The following CPXM2 variants were observed in gnomAD, a reference collection of about 807,000 sequenced individuals.
The protein encoded by CPXM2 is carboxypeptidase X, M14 family member 2.
Under a neutral mutation model 86.1 loss-of-function variants are expected in CPXM2, and 66 were observed. The observed-to-expected ratio is 0.77, with a 90% CI of 0.63 to 0.94. CPXM2 has a LOEUF of 0.94. Ranked by LOEUF, CPXM2 falls within the 40% of genes least tolerant of loss-of-function variation. The pLI, the probability that CPXM2 is intolerant of heterozygous loss-of-function variation, is 0.00. For synonymous variants in CPXM2, 388 were observed against 400.2 expected, an observed-to-expected ratio of 0.97 and a Z score of 0.36; for missense variants, 948 against 1,026.3, an observed-to-expected ratio of 0.92 and a Z score of 1.04.
chr10:123,759,686 T>A (rs545880090), intron 11 of CPXM2, among the ~76,000 whole-genome samples: 78 of 152,328 alleles, frequency 5.1e-4, no homozygotes, highest in South Asian at 3.7e-3. Flanking sequence ...CTGACTGGCA[T>A]CTTTCTCTTG....
intron 8 of CPXM2, chr10:123,769,498 C>T (rs1846576616): frequency 6.6e-6 from 1 of 152,346 alleles, no homozygotes; most frequent in South Asian, 2.1e-4. Flanking sequence ...GGGAGGATTG[C>T]TTGAGCCCAA....
At chr10:123,853,548 A>C (rs1175373365) in intron 3 of CPXM2, among the ~76,000 whole-genome samples, 1 of 152,220 alleles carries the variant, frequency 6.6e-6, no homozygotes, top group Non-Finnish European at 1.5e-5. Context: ...TGCTGAGTAC[A>C]TGAAAGGTTT....
intron 6 of CPXM2, among the ~76,000 whole-genome samples, chr10:123,789,277 AC>A (rs1243380942): frequency 2.6e-5 from 4 of 152,306 alleles, no homozygotes; most frequent in African/African-American, 9.6e-5. Context: ...CTGCCGCCCC[AC>A]AGGGCCCCTC....
intron 7 of CPXM2, among the ~76,000 whole-genome samples, chr10:123,778,613 A>G (rs1266811320): frequency 6.6e-6 from 1 of 152,252 alleles, no homozygotes; most frequent in Non-Finnish European, 1.5e-5. Flanking sequence ...AACTATTTAC[A>G]GATAACAGCT....
At chr10:123,783,672 CAA>C (rs1846986201) in intron 6 of CPXM2, among the ~76,000 whole-genome samples, 1 of 152,190 alleles carries the variant, frequency 6.6e-6, no homozygotes, top group Non-Finnish European at 1.5e-5. Flanking sequence ...TGCCTAAAGC[CAA>C]AGTCAGACCT....
At chr10:123,832,921 T>C (rs997705550) in intron 4 of CPXM2, among the ~76,000 whole-genome samples, 16 of 151,918 alleles carry the variant, frequency 1.1e-4, no homozygotes, top group African/African-American at 3.6e-4. Flanking sequence ...CACCTGAGCG[T>C]CTTTTGCTTT....
intron 2 of CPXM2, among the ~76,000 whole-genome samples, chr10:123,871,773 TA>T (rs79963038): frequency 0.04 from 6,145 of 152,242 alleles, 170 homozygotes; most frequent in East Asian, 0.11. Flanking sequence ...CTACTAGAGT[TA>T]AAAAGTGAGC....
At chr10:123,910,684 GTC>G (rs1443498329) in intron 2 of CPXM2, among the ~76,000 whole-genome samples, 1 of 152,230 alleles carries the variant, frequency 6.6e-6, no homozygotes, top group Non-Finnish European at 1.5e-5. Context: ...CTGCACCTAA[GTC>G]TCTGCCTCAT....
intron 3 of CPXM2, among the ~76,000 whole-genome samples, chr10:123,857,614 AGATGGAAGGCG>A (rs1848758398): frequency 7.1e-6 from 1 of 141,126 alleles, no homozygotes; most frequent in African/African-American, 2.5e-5. Context: ...GGCGGCGTGG[AGATGGAAGGCG>A]GCGTGGAGAT....
chr10:123,799,172 G>A lies in CPXM2; in HGVS notation c.681C>T (p.Val227=), dbSNP rs555476644. 1 of 1,614,118 alleles carries A rather than the reference G, an allele frequency of 6.2e-7. No homozygotes were observed. The highest frequency in any genetic ancestry group is 1.1e-5 in the South Asian group (1 of 91,074). Residue 227 remains valine, a synonymous_variant, in exon 5 of 14, where the codon GTC becomes GTT. Coordinates refer to ENST00000241305, the MANE Select transcript of CPXM2 (RefSeq NM_198148.3). ...WLSDWVTSYK[V]MVSNDSHTWV... is the part of the protein sequence containing the mutation. Reference sequence around the variant, plus strand: ...ACGTGTGGCTGTCATTGCTCACCATGACCTTATAGGATGTCACCCAGTCAC... The same window carrying A: ...ACGTGTGGCTGTCATTGCTCACCATAACCTTATAGGATGTCACCCAGTCAC...
chr10:123,842,523 C>T, intron 3 of CPXM2, 35 bp from the exon 4 acceptor site: 1 of 1,606,090 alleles, frequency 6.2e-7, no homozygotes, highest in Non-Finnish European at 8.5e-7. Context: ...TTCAAAAAGA[C>T]TCTTAATTGA....
chr10:123,896,837 T>G (rs1945341820), upstream of CPXM2, among the ~76,000 whole-genome samples: 1 of 152,192 alleles, frequency 6.6e-6, no homozygotes, highest in Non-Finnish European at 1.5e-5. Flanking sequence ...GCAGGATCAT[T>G]TACAGAAGTG....
In CPXM2 at chr10:123,891,601, A is replaced by C; in HGVS notation, c.59T>G (p.Leu20Arg). 4 of 1,523,480 alleles carry C rather than the reference A, an allele frequency of 2.6e-6. No homozygotes were observed. The highest frequency in any genetic ancestry group is 3.5e-6 in the Non-Finnish European group (4 of 1,134,566). The allele number at this position is 1,523,480 out of a possible 1,614,324, so 94.4% of individuals were successfully genotyped here. ...TGCGCCCTGGGCTCCGACCCCGGCC[A>C]GGGTCACTGCCAGGAGCACCAGGGC... ...ALALVLLAVTLAGVGAQGAAL... is the reference protein window; with the variant it reads ...ALALVLLAVTRAGVGAQGAAL... Residue 20 changes from leucine (L) to arginine (R), a missense_variant, in exon 1 of 14, where the codon CTG (leucine) becomes CGG (arginine). Coordinates refer to ENST00000241305, the MANE Select transcript of CPXM2 (RefSeq NM_198148.3). This position sits in a 1 kb window ranked among gnomAD's most constrained non-coding sequence, Gnocchi z 5.6.
chr10:123,875,974 G>A (rs934575982), intron 2 of CPXM2, among the ~76,000 whole-genome samples: 2 of 151,606 alleles, frequency 1.3e-5, no homozygotes, highest in African/African-American at 2.4e-5. Flanking sequence ...ATGCTGCCAC[G>A]CCCGGCTAAT....
At chr10:123,791,017 C>G (rs1441345634) in intron 6 of CPXM2, among the ~76,000 whole-genome samples, 4 of 152,038 alleles carry the variant, frequency 2.6e-5, no homozygotes, top group Admixed American at 2.6e-4. Context: ...TAAGTTAAAG[C>G]CACATCATCA....
intron 4 of CPXM2, among the ~76,000 whole-genome samples, chr10:123,838,228 G>A (rs1248035922): frequency 2.0e-5 from 3 of 152,330 alleles, no homozygotes; most frequent in South Asian, 2.1e-4. Context: ...TTGGGAGGCC[G>A]AGGCGGGAGG....
rs117465548 is a variant in CPXM2, at chr10:123,797,734, T to C, written c.889+242A>G. Among the ~76,000 whole-genome samples the C allele has an allele frequency of 7.4e-3, 1,118 of 152,000 alleles. 10 individuals carry two copies. Among genetic ancestry groups the C allele is most frequent in the Admixed American group, 0.014 (208 of 15,276 alleles). On this transcript the variant is annotated intron_variant, in intron 6 of 13. Coordinates refer to ENST00000241305, the MANE Select transcript of CPXM2 (RefSeq NM_198148.3). ...CCACCATGCCTGGGTAATTTTTATA[T>C]TTTATTTATTATTTATTTATTTTTA...
At chr10:123,838,886 C>A (rs1848328607) in intron 4 of CPXM2, among the ~76,000 whole-genome samples, 1 of 152,154 alleles carries the variant, frequency 6.6e-6, no homozygotes. Context: ...GATACTTCTA[C>A]CAATTTGTCC....
rs779712239 is a variant in CPXM2, at chr10:123,862,623, G to C, written c.504C>G (p.Leu168=). The stretch of plus-strand genomic sequence containing the variant: ...CCACAGGGCCAGGTACCTGGATGTT[G>C]AGTCTCCCTCGATGTGCCCCCAGGC... ...RYGLGAHRGR[L]NIQAGINEND... The change falls in exon 3 of 14, where the codon CTC becomes CTG. Residue 168 remains leucine (L), a synonymous_variant. Transcript: ENST00000241305. 1 of 1,614,054 alleles carries C rather than the reference G, an allele frequency of 6.2e-7. No homozygotes were observed. Among genetic ancestry groups the C allele is most frequent in the African/African-American group, 1.3e-5 (1 of 75,056 alleles).
Sources: allele counts gnomAD v4.1 joint callset (sites outside exome capture counted in the v4.1 genomes callset), GRCh38; gene constraint gnomAD v4.1.1; non-coding constraint Gnocchi (gnomAD v3.1); transcripts MANE v1.5; gene names NCBI Gene and HGNC (gene_info 2026-07-23, HGNC 2026-07-21).